The following ZFYVE26 variants were observed in gnomAD, a reference collection of about 807,000 sequenced individuals.
ZFYVE26 encodes the protein zinc finger FYVE domain-containing protein 26.
In ZFYVE26, 181 loss-of-function variants were observed where a neutral mutation model predicts 276.5. The observed-to-expected ratio is 0.65, with a 90% CI of 0.58 to 0.74. The LOEUF (loss-of-function observed/expected upper bound fraction) is 0.74. Among genes scored for constraint, ZFYVE26 ranks in the 30% least tolerant of loss-of-function variants. The probability of loss-of-function intolerance (pLI) is 0.00; values close to 1 mark genes in which losing one functional copy is unlikely to be tolerated. For missense variants in ZFYVE26, 2,821 were observed against 3,097.9 expected, an observed-to-expected ratio of 0.91 and a Z score of 2.12; for synonymous variants, 1,129 against 1,203.1, an observed-to-expected ratio of 0.94 and a Z score of 1.27.
At chr14:67,816,457 G>T (rs1481541800) in intron 1 of ZFYVE26, 77 bp downstream of exon 1, 2 of 156,326 alleles carry the variant, frequency 1.3e-5, no homozygotes, top group African/African-American at 4.8e-5. Context: ...AAAGCAGTGT[G>T]GGGGTGGGCC....
In ZFYVE26 at chr14:67,798,197, G is replaced by A; in HGVS notation, c.2065C>T (p.Leu689Phe). ...LADEFAIGAF[L>F]RLLQEQLDEI... is the part of the protein sequence containing the mutation. ...TCCAGTTGCTCTTGGAGAAGCCTGAGGAAGGCCCCTATTGCAAATTCATCA... is the reference window on the plus strand; with the variant it reads ...TCCAGTTGCTCTTGGAGAAGCCTGAAGAAGGCCCCTATTGCAAATTCATCA... The change falls in exon 11 of 42, where the codon CTC (leucine) becomes TTC (phenylalanine). Residue 689 changes from leucine (L) to phenylalanine (F), a missense_variant. By Grantham distance (22) the Leu-to-Phe change is conservative (BLOSUM62 0). Transcript: ENST00000347230. 1 of 1,614,182 alleles carries A rather than the reference G, an allele frequency of 6.2e-7. No individual in the cohort carries two copies. The highest frequency in any genetic ancestry group is 8.5e-7 in the Non-Finnish European group (1 of 1,180,034).
intron 13 of ZFYVE26, among the ~76,000 whole-genome samples, chr14:67,736,388 T>C (rs968487873): frequency 1.3e-5 from 2 of 152,230 alleles, no homozygotes; most frequent in Non-Finnish European, 2.9e-5. Flanking sequence ...AGAAGAGGCA[T>C]TTCAAATCAG....
rs138639208 is a variant in ZFYVE26 at position 67,730,884 on chromosome 14, G to A, written n.2680-1065C>T. ...CTCCTAAAGTGCTGGGATTACAGGC[G>A]TGAGCCACCGCGCCCAGCCCCAAGC... On this transcript the variant is annotated intron_variant and non_coding_transcript_variant, in intron 13 of 14. Transcript: ENST00000394455. Among the ~76,000 whole-genome samples the A allele has an allele frequency of 8.6e-3, 1,310 of 152,234 alleles. 11 individuals carry two copies. Among genetic ancestry groups the A allele is most frequent in the Non-Finnish European group, 0.014 (963 of 68,008 alleles).
intron 10 of ZFYVE26, among the ~76,000 whole-genome samples, chr14:67,800,295 T>C (rs1412018362): frequency 2.0e-5 from 3 of 152,322 alleles, no homozygotes; most frequent in South Asian, 2.1e-4. Flanking sequence ...AGCTTTATAA[T>C]AGACAGCCTG....
intron 10 of ZFYVE26, 65 bp downstream of exon 10, chr14:67,802,014 A>G: frequency 1.3e-6 from 2 of 1,581,716 alleles, no homozygotes; most frequent in South Asian, 1.1e-5. Context: ...GAGGGTAAAC[A>G]CACAAAGCAC....
rs747570030 is a variant in ZFYVE26 at position 67,783,082 on chromosome 14, T to A, written c.4070A>T (p.Glu1357Val). 1.4e-5 allele frequency: 22 copies of A among 1,613,682 alleles called. No homozygotes were observed. Among genetic ancestry groups the A allele is most frequent in the Non-Finnish European group, 1.9e-5 (22 of 1,179,702 alleles). The part of the protein sequence containing the change: ...LAAEQVAREC[E>V]RLLEQFPLFE... Reference sequence around the variant, plus strand: ...CAGAGGGAATTGTTCCAGAAGGCGCTCACACTCCCGGGCTACCTGCTCTGC... The same window carrying A: ...CAGAGGGAATTGTTCCAGAAGGCGCACACACTCCCGGGCTACCTGCTCTGC... Residue 1357 changes from glutamate to valine, a missense_variant, in exon 21 of 42, where the codon GAG becomes GTG. By Grantham distance (121) the Glu-to-Val change is moderately radical (BLOSUM62 -2). Transcript: ENST00000347230.
rs2040394274 is a variant in ZFYVE26, at chr14:67,815,894, G to C, written c.70C>G (p.Leu24Val). The C allele has an allele frequency of 1.9e-6, 3 of 1,613,880 alleles. No homozygotes were observed. In the African/African-American group the frequency reaches 4.0e-5, roughly 22 times the overall value. Residue 24 changes from leucine (L) to valine (V), a missense_variant, in exon 2 of 42, where the codon CTG becomes GTG. Physicochemically the swap from Leu to Val is conservative, Grantham distance 32. Transcript: ENST00000347230. ...KQLFGFFCEC[L>V]RRGEWELAQA... ...GCCAGCTCCCATTCTCCCCTCCGCA[G>C]GCATTCGCAGAAAAATCCAAAAAGC... is the stretch of plus-strand genomic sequence containing the variant.
Position 67,793,714 on chromosome 14 carries a change from C to A in ZFYVE26, c.2447G>T (p.Arg816Ile), listed in dbSNP as rs759128656. The A allele has an allele frequency of 5.0e-6, 8 of 1,613,774 alleles. No homozygotes were observed. The East Asian group carries it at 1.8e-4, about 36-fold the overall frequency. ...AMSGRNELHSRLHPHPQSSLI... is the reference protein window; with the variant it reads ...AMSGRNELHSILHPHPQSSLI... ...TGAACTTTGAGGATGGGGGTGCAAT[C>A]TACTGTGCAGCTCATTCCGGCCAGA... Residue 816 changes from arginine (R) to isoleucine (I), a missense_variant, in exon 14 of 42, where the codon AGA becomes ATA. Coordinates refer to ENST00000347230, the MANE Select transcript of ZFYVE26 (RefSeq NM_015346.4).
At position 67,798,531 on chromosome 14, in the gene ZFYVE26, GT is replaced by G; in HGVS notation, c.1730del (p.Asn577ThrfsTer37). On this transcript the variant is annotated frameshift_variant, in exon 11 of 42. Transcript: ENST00000347230. LOFTEE classifies it high-confidence loss of function. ...AGGTGATGAGAAGCAATGAGAAGAT[GT>G]TTTCCAGAAGCTCCAGGCACAGAGA... is the stretch of plus-strand genomic sequence containing the variant. ...PDSLCLELLE[N>X]IFSLLLITSA... is the part of the protein sequence containing the mutation. 6.2e-7 allele frequency: 1 copy of G among 1,614,184 alleles called. No homozygotes were observed.
intron 18 of ZFYVE26, 137 bp from the exon 19 acceptor site, chr14:67,785,414 C>G: frequency 2.5e-6 from 2 of 802,544 alleles, no homozygotes; most frequent in Non-Finnish European, 2.1e-6. Flanking sequence ...ACTACACTTA[C>G]AAGGCAAATA....
At position 67,775,026 on chromosome 14, in the gene ZFYVE26, A is replaced by G. The variant is rs1366924414; in HGVS notation, c.5310T>C (p.Ala1770=). ...AGAGCCAGTTCTTACCAGGAGGAGC[A>G]GCAGGAGAGAACTCTGCTGATGGTG... ...PRSPSAEFSP[A]APPGISSIHS... is the part of the protein sequence containing the mutation. Residue 1770 remains alanine, a synonymous_variant, in exon 27 of 42, where the codon GCT becomes GCC. Coordinates refer to ENST00000347230, the MANE Select transcript of ZFYVE26 (RefSeq NM_015346.4). 1.9e-6 allele frequency: 3 copies of G among 1,610,562 alleles called. No homozygotes were observed. Among genetic ancestry groups the G allele is most frequent in the Non-Finnish European group, 2.5e-6 (3 of 1,178,504 alleles).
chr14:67,795,093 T>G (rs2039920763), intron 12 of ZFYVE26, among the ~76,000 whole-genome samples: 1 of 152,246 alleles, frequency 6.6e-6, no homozygotes, highest in African/African-American at 2.4e-5. Flanking sequence ...TCGCTATTCC[T>G]TAGCCTGGTC....
Position 67,797,763 on chromosome 14 carries a change from A to T in ZFYVE26, c.2249-8T>A. 6.2e-7 allele frequency: 1 copy of T among 1,613,928 alleles called. No individual in the cohort carries two copies. The highest frequency in any genetic ancestry group is 8.5e-7 in the Non-Finnish European group (1 of 1,180,012). ...TTCGGGAAGGTTGCTCCTCTGAAAG[A>T]GCAAACCCAATGGGACAGAAAGGAG... is the stretch of plus-strand genomic sequence containing the variant. On this transcript the variant is annotated splice_region_variant and splice_polypyrimidine_tract_variant and intron_variant, in intron 11 of 41. Transcript: ENST00000347230.
intron 12 of ZFYVE26, among the ~76,000 whole-genome samples, chr14:67,794,633 G>T (rs937800172): frequency 6.6e-6 from 1 of 152,206 alleles, no homozygotes; most frequent in African/African-American, 2.4e-5. Flanking sequence ...ATAGAAAAAG[G>T]TATCTTCATA....
chr14:67,751,654 A>G (rs997204833), intron 40 of ZFYVE26: 7 of 186,290 alleles, frequency 3.8e-5, no homozygotes, highest in African/African-American at 1.7e-4. Context: ...TGGGTAGATC[A>G]TGAGGTCAGG....
At chr14:67,762,500 C>T (rs2038959898) in intron 33 of ZFYVE26, 88 bp from the exon 34 acceptor site, 2 of 1,531,214 alleles carry the variant, frequency 1.3e-6, no homozygotes, top group East Asian at 2.4e-5. Flanking sequence ...AAGTTGCCAA[C>T]CACCTCATTC....
intron 23 of ZFYVE26, 174 bp from the exon 24 acceptor site, chr14:67,778,422 T>TA (rs1302090605): frequency 2.7e-4 from 205 of 747,972 alleles, no homozygotes; most frequent in Middle Eastern, 4.0e-4. Flanking sequence ...AGCACTACCA[T>TA]AAAAAAAAGC....
chr14:67,743,701 G>T (rs1053699114), downstream of ZFYVE26, among the ~76,000 whole-genome samples: 7 of 152,194 alleles, frequency 4.6e-5, no homozygotes, highest in Non-Finnish European at 1.0e-4. Context: ...CAGATCTGGT[G>T]TGGGAAAGAG....
intron 13 of ZFYVE26, among the ~76,000 whole-genome samples, chr14:67,733,538 A>T (rs542035708): frequency 6.6e-6 from 1 of 152,338 alleles, no homozygotes; most frequent in South Asian, 2.1e-4. Context: ...ATCTTGTTAT[A>T]GAATATATTA....
Sources: gnomAD v4.1 joint callset for allele counts (sites outside exome capture counted in the v4.1 genomes callset) on GRCh38, gnomAD v4.1.1 for gene constraint, MANE v1.5 for transcripts, NCBI Gene and HGNC (gene_info 2026-07-23, HGNC 2026-07-21) for gene names.